The following LHFPL3 variants were observed in gnomAD, a reference collection of about 807,000 sequenced individuals.
LHFPL3 encodes the protein LHFPL tetraspan subfamily member 3.
A neutral mutation model predicts 19.3 loss-of-function variants in LHFPL3; 5 were observed. The ratio of observed to expected loss-of-function variants is 0.26; its 90% CI spans 0.14 to 0.54. LHFPL3 has a LOEUF of 0.54. Ranked by LOEUF, LHFPL3 falls within the 20% of genes least tolerant of loss-of-function variation. The pLI is 0.94. For missense variants in LHFPL3, 249 were observed against 307.4 expected (o/e 0.81, Z 1.42); for synonymous variants, 133 against 126.2 (o/e 1.05, Z -0.36).
chr7:104,392,459 T>G (rs1226266928), intron 1 of LHFPL3, among the ~76,000 whole-genome samples: 2 of 151,450 alleles, frequency 1.3e-5, no homozygotes, highest in African/African-American at 4.8e-5. Context: ...GGTTTTTGTC[T>G]TTGGTTCTGT....
rs569004953 is a variant in LHFPL3, at chr7:104,357,560, G to C, written c.445+28336G>C. 1.2e-4 allele frequency among the ~76,000 whole-genome samples: 19 copies of C among 152,212 alleles called. No homozygotes were observed. The South Asian group carries it at 4.0e-3, about 32-fold the overall frequency. On this transcript the variant is annotated intron_variant, in intron 1 of 2. Coordinates refer to ENST00000424859, the MANE Select transcript of LHFPL3 (RefSeq NM_199000.3). ...TATTTAAGTCTCCCTTTCCCATCCTGTATCAGTCAGGGTTCAATGAGAGAA... is the reference window on the plus strand; with the variant it reads ...TATTTAAGTCTCCCTTTCCCATCCTCTATCAGTCAGGGTTCAATGAGAGAA...
At chr7:104,529,028 C>T (rs1272101866) in intron 1 of LHFPL3, among the ~76,000 whole-genome samples, 2 of 152,152 alleles carry the variant, frequency 1.3e-5, no homozygotes, top group African/African-American at 4.8e-5. Flanking sequence ...TGTCTCCAGC[C>T]TCAGGCTCTA....
At chr7:104,824,356 TATA>T (rs1790760706) in intron 2 of LHFPL3, among the ~76,000 whole-genome samples, 1 of 27,336 alleles carries the variant, frequency 3.7e-5, no homozygotes, top group South Asian at 1.6e-3. Flanking sequence ...ATAGATAATA[TATA>T]ATTATATATA....
intron 1 of LHFPL3, among the ~76,000 whole-genome samples, chr7:104,407,669 AAG>A (rs1791444044): frequency 1.3e-5 from 2 of 152,232 alleles, no homozygotes; most frequent in African/African-American, 4.8e-5. Context: ...GGAATAAAAA[AAG>A]AGAGAACCTT....
At chr7:104,862,123 G>A (rs1791628894) in intron 2 of LHFPL3, among the ~76,000 whole-genome samples, 1 of 151,898 alleles carries the variant, frequency 6.6e-6, no homozygotes, top group Non-Finnish European at 1.5e-5. Flanking sequence ...CTGACATGGA[G>A]ATTAAAAAAA....
At chr7:104,525,536 T>C (rs1794169725) in intron 1 of LHFPL3, among the ~76,000 whole-genome samples, 1 of 152,044 alleles carries the variant, frequency 6.6e-6, no homozygotes, top group Non-Finnish European at 1.5e-5. Context: ...GAATTAGGCC[T>C]CAGGGACTAG....
chr7:104,584,421 C>G (rs1459877919), intron 1 of LHFPL3, among the ~76,000 whole-genome samples: 1 of 151,908 alleles, frequency 6.6e-6, no homozygotes, highest in Admixed American at 6.6e-5. Context: ...AACAAACCTG[C>G]ACATTGTGCA....
At chr7:104,357,900 A>T (rs1790313740) in intron 1 of LHFPL3, among the ~76,000 whole-genome samples, 1 of 152,188 alleles carries the variant, frequency 6.6e-6, no homozygotes, top group South Asian at 2.1e-4. Flanking sequence ...GGCAACAGCT[A>T]AATTAGTGTT....
chr7:104,708,887 G>GA (rs1315073052), intron 1 of LHFPL3, among the ~76,000 whole-genome samples: 2 of 152,078 alleles, frequency 1.3e-5, no homozygotes, highest in South Asian at 2.1e-4. Context: ...TCCCTTGAGA[G>GA]AAAAAATTAG....
intron 1 of LHFPL3, among the ~76,000 whole-genome samples, chr7:104,695,798 T>C (rs1792985952): frequency 6.6e-6 from 1 of 152,196 alleles, no homozygotes; most frequent in South Asian, 2.1e-4. Context: ...GCAGAAGGCC[T>C]GGAAATTGTA....
chr7:104,493,409 T>C (rs1793395653), intron 1 of LHFPL3, among the ~76,000 whole-genome samples: 3 of 151,886 alleles, frequency 2.0e-5, no homozygotes, highest in African/African-American at 7.3e-5. Context: ...CATTGTCTTC[T>C]CTCTGTGATG....
chr7:104,568,410 G>C (rs1178145393), intron 1 of LHFPL3, among the ~76,000 whole-genome samples: 1 of 152,104 alleles, frequency 6.6e-6, no homozygotes, highest in African/African-American at 2.4e-5. Flanking sequence ...CTTATATTAT[G>C]GTATGTACTC....
At chr7:104,463,914 C>A (rs765414085) in intron 1 of LHFPL3, among the ~76,000 whole-genome samples, 3 of 152,212 alleles carry the variant, frequency 2.0e-5, no homozygotes, top group Non-Finnish European at 2.9e-5. Flanking sequence ...TCATGCCCTT[C>A]CAACAGTCCC....
At chr7:104,675,205 A>G (rs1403506375) in intron 1 of LHFPL3, among the ~76,000 whole-genome samples, 2 of 152,256 alleles carry the variant, frequency 1.3e-5, no homozygotes, top group Non-Finnish European at 2.9e-5. Context: ...CTCACCAAGG[A>G]GACATCTAAG....
At chr7:104,575,730 C>T (rs1011475249) in intron 1 of LHFPL3, among the ~76,000 whole-genome samples, 1 of 152,000 alleles carries the variant, frequency 6.6e-6, no homozygotes, top group Admixed American at 6.6e-5. Flanking sequence ...ACTGCAACCT[C>T]CACCTCTCCG....
intron 1 of LHFPL3, among the ~76,000 whole-genome samples, chr7:104,333,330 C>G (rs1352185141): frequency 2.0e-5 from 3 of 152,184 alleles, no homozygotes; most frequent in African/African-American, 7.2e-5. Flanking sequence ...ATCGGTCATG[C>G]ATTTCTTGGT....
intron 1 of LHFPL3, among the ~76,000 whole-genome samples, chr7:104,562,655 G>A (rs866043098): frequency 0.099 from 14,871 of 150,230 alleles, 1,532 homozygotes; most frequent in African/African-American, 0.27. Flanking sequence ...GAGTAATTTG[G>A]TCGTCTGAAG....
At chr7:104,532,328 T>TTC (rs1301368170) in intron 1 of LHFPL3, among the ~76,000 whole-genome samples, 2 of 145,670 alleles carry the variant, frequency 1.4e-5, no homozygotes, top group African/African-American at 5.0e-5. Flanking sequence ...CTTTTTTTTT[T>TTC]TTTTTTTTTT....
intron 1 of LHFPL3, among the ~76,000 whole-genome samples, chr7:104,647,500 G>T (rs978551073): frequency 2.0e-5 from 3 of 152,182 alleles, no homozygotes; most frequent in African/African-American, 7.2e-5. Flanking sequence ...TCCTGTTGTT[G>T]CATTGGTTCT....
Sources: allele counts gnomAD v4.1 joint callset (sites outside exome capture counted in the v4.1 genomes callset), GRCh38; gene constraint gnomAD v4.1.1; transcripts MANE v1.5; gene names NCBI Gene and HGNC (gene_info 2026-07-23, HGNC 2026-07-21).